NCAM2: variants seen among roughly 807,000 people sequenced by gnomAD.
NCAM2 encodes the protein neural cell adhesion molecule 2.
NCAM2 carries 30 observed loss-of-function variants against 98.1 expected under a neutral mutation model. The ratio of observed to expected loss-of-function variants is 0.31; its 90% CI spans 0.23 to 0.41. The LOEUF (loss-of-function observed/expected upper bound fraction) is 0.41. Ranked by LOEUF, NCAM2 falls within the 10% of genes least tolerant of loss-of-function variation. The probability of loss-of-function intolerance (pLI) is 1.00; values close to 1 mark genes in which losing one functional copy is unlikely to be tolerated. For missense variants in NCAM2, 867 were observed against 1,005.8 expected (o/e 0.86, Z 1.87); for synonymous variants, 368 against 342.4 (o/e 1.07, Z -0.83).
intron 1 of NCAM2, among the ~76,000 whole-genome samples, chr21:21,151,163 G>T (rs916401253): frequency 6.6e-6 from 1 of 151,426 alleles, no homozygotes; most frequent in Non-Finnish European, 1.5e-5. Context: ...TACCTATTTT[G>T]AATGTGATTC....
chr21:21,502,718 T>A (rs1470647143), intron 15 of NCAM2, among the ~76,000 whole-genome samples: 1 of 151,988 alleles, frequency 6.6e-6, no homozygotes, highest in Non-Finnish European at 1.5e-5. Context: ...CAATCAGAGT[T>A]ATTTAATGTC....
chr21:21,114,863 C>G (rs1350507563), intron 1 of NCAM2, among the ~76,000 whole-genome samples: 5 of 151,972 alleles, frequency 3.3e-5, no homozygotes, highest in Non-Finnish European at 7.4e-5. Flanking sequence ...TCTTGTCGCC[C>G]AGGCTGGAAT....
intron 9 of NCAM2, among the ~76,000 whole-genome samples, chr21:21,405,194 A>G (rs1003005133): frequency 4.0e-5 from 6 of 151,892 alleles, no homozygotes; most frequent in Admixed American, 3.3e-4. Context: ...TACTAACAAG[A>G]CTCTTTTAGT....
At chr21:21,074,455 GATAAA>G (rs1462313251) in intron 1 of NCAM2, among the ~76,000 whole-genome samples, 2 of 151,798 alleles carry the variant, frequency 1.3e-5, no homozygotes, top group East Asian at 3.9e-4. Flanking sequence ...AATTTGATTT[GATAAA>G]ATGAATGTGT....
chr21:21,474,992 CAT>C (rs1358286535), intron 14 of NCAM2, among the ~76,000 whole-genome samples: 1 of 149,776 alleles, frequency 6.7e-6, no homozygotes, highest in Admixed American at 6.7e-5. Context: ...ATATATAACA[CAT>C]ATATAATACA....
intron 16 of NCAM2, among the ~76,000 whole-genome samples, chr21:21,523,397 C>T (rs1989141442): frequency 6.6e-6 from 1 of 150,932 alleles, no homozygotes; most frequent in African/African-American, 2.4e-5. Flanking sequence ...TGGTTTTATG[C>T]TTCTGCATAT....
intron 1 of NCAM2, among the ~76,000 whole-genome samples, chr21:21,147,845 A>G (rs1460605153): frequency 1.3e-5 from 2 of 150,768 alleles, no homozygotes; most frequent in East Asian, 1.9e-4. Flanking sequence ...CCCTATTTAT[A>G]TAGGATATTT....
intron 8 of NCAM2, among the ~76,000 whole-genome samples, chr21:21,372,373 G>A (rs192034196): frequency 8.8e-4 from 133 of 151,664 alleles, no homozygotes; most frequent in African/African-American, 3.1e-3. Flanking sequence ...GTAAAGGATG[G>A]AATAATAATG....
intron 1 of NCAM2, among the ~76,000 whole-genome samples, chr21:21,253,599 T>G (rs2071552364): frequency 6.6e-6 from 1 of 152,182 alleles, no homozygotes; most frequent in African/African-American, 2.4e-5. Context: ...AATCTTTGAC[T>G]TGCCAGCCTT....
chr21:21,017,436 A>AAAAG (rs2064333901), intron 1 of NCAM2, among the ~76,000 whole-genome samples: 1 of 150,378 alleles, frequency 6.6e-6, no homozygotes, highest in East Asian at 2.0e-4. Context: ...AAAAAAAAAA[A>AAAAG]AAAAAAAAAA....
At chr21:21,489,483 A>G (rs1187043461) in intron 15 of NCAM2, among the ~76,000 whole-genome samples, 1 of 148,646 alleles carries the variant, frequency 6.7e-6, no homozygotes, top group Non-Finnish European at 1.5e-5. Flanking sequence ...TCCTTTCTAA[A>G]TTTTTGGCCA....
chr21:21,141,561 T>C (rs1054380076), intron 1 of NCAM2, among the ~76,000 whole-genome samples: 1 of 152,198 alleles, frequency 6.6e-6, no homozygotes, highest in African/African-American at 2.4e-5. Context: ...TATTAGTAAT[T>C]AGTAGTTTTA....
chr21:21,074,565 A>G (rs2146378298), intron 1 of NCAM2, among the ~76,000 whole-genome samples: 1 of 152,294 alleles, frequency 6.6e-6, no homozygotes, highest in South Asian at 2.1e-4. Context: ...CTTAGACCCC[A>G]CGTCAATGTG....
chr21:21,048,375 CGGAGTCT>C (rs1355014993), intron 1 of NCAM2, among the ~76,000 whole-genome samples: 1 of 151,636 alleles, frequency 6.6e-6, no homozygotes, highest in Non-Finnish European at 1.5e-5. Context: ...TTTTTTGAGA[CGGAGTCT>C]GGCTCTGTCA....
At chr21:21,362,392 C>CT (rs35130794) in intron 8 of NCAM2, among the ~76,000 whole-genome samples, 108 of 147,262 alleles carry the variant, frequency 7.3e-4, no homozygotes, top group Middle Eastern at 7.0e-3. Context: ...TCATATTCTA[C>CT]TTTTTTTTTT....
chr21:21,075,225 A>G (rs2065655601), intron 1 of NCAM2, among the ~76,000 whole-genome samples: 1 of 152,184 alleles, frequency 6.6e-6, no homozygotes, highest in South Asian at 2.1e-4. Context: ...ATCAGGAGAA[A>G]TACCTGATGT....
At chr21:21,096,454 T>C (rs552384136) in intron 1 of NCAM2, among the ~76,000 whole-genome samples, 49 of 151,884 alleles carry the variant, frequency 3.2e-4, no homozygotes, top group African/African-American at 1.2e-3. Flanking sequence ...CATTAAAACA[T>C]TTATTCCTCT....
chr21:21,042,842 A>G (rs973210455), intron 1 of NCAM2, among the ~76,000 whole-genome samples: 2 of 152,218 alleles, frequency 1.3e-5, no homozygotes, highest in Non-Finnish European at 2.9e-5. Context: ...CTTAAATAAC[A>G]ACATAATTTA....
intron 1 of NCAM2, among the ~76,000 whole-genome samples, chr21:21,175,602 T>A (rs1289370125): frequency 7.9e-5 from 12 of 152,172 alleles, no homozygotes; most frequent in Admixed American, 7.9e-4. Flanking sequence ...AGTGGATTAA[T>A]TTAAGGTTTG....
Sources: allele counts gnomAD v4.1 joint callset (sites outside exome capture counted in the v4.1 genomes callset), GRCh38; gene constraint gnomAD v4.1.1; transcripts MANE v1.5; gene names NCBI Gene and HGNC (gene_info 2026-07-23, HGNC 2026-07-21).